INPP5A: variants seen among roughly 807,000 people sequenced by gnomAD.
INPP5A encodes 43 kDa inositol polyphosphate 5-phophatase.
A neutral mutation model predicts 65.2 loss-of-function variants in INPP5A; 14 were observed. The ratio of observed to expected loss-of-function variants is 0.21; its 90% CI spans 0.14 to 0.34. The LOEUF (loss-of-function observed/expected upper bound fraction) is 0.34. Among genes scored for constraint, INPP5A ranks in the 10% least tolerant of loss-of-function variants. The pLI is 1.00. For missense variants in INPP5A, 431 were observed against 545.6 expected, an observed-to-expected ratio of 0.79 and a Z score of 2.09; for synonymous variants, 207 against 208.3, an observed-to-expected ratio of 0.99 and a Z score of 0.05.
chr10:132,717,203 T>C (rs1453803560), intron 8 of INPP5A, among the ~76,000 whole-genome samples: 2 of 152,216 alleles, frequency 1.3e-5, no homozygotes, highest in Non-Finnish European at 2.9e-5. Context: ...GGTGTCTTCC[T>C]CTTTTACAAG....
At chr10:132,755,731 C>T (rs912950877) in intron 11 of INPP5A, among the ~76,000 whole-genome samples, 2 of 152,026 alleles carry the variant, frequency 1.3e-5, no homozygotes, top group Admixed American at 1.3e-4. Flanking sequence ...TAGGCAGACC[C>T]TAGCGGCAGC....
intron 8 of INPP5A, among the ~76,000 whole-genome samples, chr10:132,718,047 T>C (rs1845775925): frequency 1.3e-5 from 2 of 149,576 alleles, no homozygotes; most frequent in Non-Finnish European, 3.0e-5. Flanking sequence ...TAGACGGCTG[T>C]CTTGCGGGTT....
At chr10:132,552,755 G>A (rs1365727002) in intron 1 of INPP5A, among the ~76,000 whole-genome samples, 4 of 139,912 alleles carry the variant, frequency 2.9e-5, no homozygotes, top group South Asian at 4.9e-4. Context: ...ATTGGTGAAC[G>A]CCTTCTCAGA....
In INPP5A at chr10:132,782,968, TACA is replaced by T. The variant is rs1230805514; in HGVS notation, c.*944_*946del. On this transcript the variant is annotated 3_prime_UTR_variant, in exon 16 of 16. Coordinates refer to ENST00000368594, the MANE Select transcript of INPP5A (RefSeq NM_005539.5). This position sits in a 1 kb window ranked among gnomAD's most constrained non-coding sequence, Gnocchi z 4.4. Reference sequence around the variant, plus strand: ...TTTTATGGTGCCAAGTATCCTACGTTACAACAATAATATCATGGGAGAAATAGA... The same window carrying T: ...TTTTATGGTGCCAAGTATCCTACGTTACAATAATATCATGGGAGAAATAGA... 6.6e-6 allele frequency: 1 copy of T among 152,450 alleles called. No individual in the cohort carries two copies. Among genetic ancestry groups the T allele is most frequent in the African/African-American group, 2.4e-5 (1 of 41,466 alleles). The allele number at this position is 152,450 out of a possible 1,614,324, so 9.4% of individuals were successfully genotyped here. A position where few individuals can be genotyped will look rare whatever the true frequency, so the allele number is the denominator to read the frequency against.
chr10:132,621,854 C>T (rs78679020), intron 2 of INPP5A, among the ~76,000 whole-genome samples: 2,290 of 151,760 alleles, frequency 0.015, 33 homozygotes, highest in South Asian at 0.039. Flanking sequence ...GTTTGCCTCA[C>T]GCAATTCCTA....
chr10:132,557,467 G>C (rs566649139), intron 1 of INPP5A, among the ~76,000 whole-genome samples: 131 of 152,386 alleles, frequency 8.6e-4, no homozygotes, highest in Non-Finnish European at 1.6e-3. Context: ...ATGCCAACAA[G>C]AGACCTGCGT....
At chr10:132,623,802 T>G (rs76781203) in intron 2 of INPP5A, among the ~76,000 whole-genome samples, 248 of 152,234 alleles carry the variant, frequency 1.6e-3, no homozygotes, top group Non-Finnish European at 3.0e-3. Context: ...AAGCCAATAA[T>G]AAGAAAGCAA....
intron 7 of INPP5A, 102 bp downstream of exon 7, chr10:132,708,467 T>TC: frequency 8.2e-7 from 1 of 1,217,276 alleles, no homozygotes; most frequent in Non-Finnish European, 1.2e-6. Context: ...GCTCTACTGA[T>TC]TTTGCATGAG....
chr10:132,573,870 G>A (rs2071382917), intron 1 of INPP5A, among the ~76,000 whole-genome samples: 2 of 133,488 alleles, frequency 1.5e-5, no homozygotes. Context: ...TTGTTGAGAT[G>A]TTGGGGTGTG....
intron 4 of INPP5A, among the ~76,000 whole-genome samples, chr10:132,688,081 G>A (rs1845171311): frequency 6.6e-6 from 1 of 152,198 alleles, no homozygotes; most frequent in Admixed American, 6.5e-5. Context: ...AGCAGGAGCT[G>A]CACAGCCTCC....
chr10:132,666,853 A>G (rs2072811567), intron 4 of INPP5A, among the ~76,000 whole-genome samples: 1 of 152,222 alleles, frequency 6.6e-6, no homozygotes, highest in Non-Finnish European at 1.5e-5. Context: ...GGACTCGGGT[A>G]GAGAAAGATA....
chr10:132,570,330 G>C (rs1373132207), intron 1 of INPP5A, among the ~76,000 whole-genome samples: 2 of 152,218 alleles, frequency 1.3e-5, no homozygotes, highest in Admixed American at 6.5e-5. Flanking sequence ...ACTGTTAACT[G>C]TAGCCCTTCT....
chr10:132,760,793 G>A (rs969120172), intron 11 of INPP5A, among the ~76,000 whole-genome samples: 5 of 152,132 alleles, frequency 3.3e-5, no homozygotes, highest in African/African-American at 4.8e-5. Context: ...CTTCCTGGGC[G>A]GTCCTTTGTC....
Position 132,675,005 on chromosome 10 carries a change from G to A in INPP5A, c.307-15387G>A, listed in dbSNP as rs1240520547. Among the ~76,000 whole-genome samples, 1 of 152,242 alleles carries A rather than the reference G, an allele frequency of 6.6e-6. No homozygotes were observed. Among genetic ancestry groups the A allele is most frequent in the Non-Finnish European group, 1.5e-5 (1 of 68,036 alleles). On this transcript the variant is annotated intron_variant, in intron 4 of 15. Coordinates refer to ENST00000368594, the MANE Select transcript of INPP5A (RefSeq NM_005539.5). The surrounding 1 kb of genome is among the most constrained non-coding windows in gnomAD (Gnocchi z 4.2). ...GTCATATGGCCCAAGTGTCAGAGCA[G>A]CTGGCACAGCAGCCTGGACCTGTTG...
chr10:132,726,673 T>C (rs1235360655), intron 8 of INPP5A, 148 bp from the exon 9 acceptor site: 11 of 583,552 alleles, frequency 1.9e-5, no homozygotes, highest in Non-Finnish European at 3.4e-5. Context: ...GAATTTTGGG[T>C]GTGCAAAGAG....
intron 4 of INPP5A, among the ~76,000 whole-genome samples, chr10:132,661,748 A>G (rs1160026605): frequency 1.3e-5 from 2 of 152,220 alleles, no homozygotes; most frequent in Non-Finnish European, 2.9e-5. Flanking sequence ...GAACATGAAT[A>G]AAGATGGAGT....
chr10:132,593,409 T>A (rs926915750), intron 1 of INPP5A, among the ~76,000 whole-genome samples: 15 of 152,348 alleles, frequency 9.8e-5, no homozygotes, highest in African/African-American at 3.6e-4. Context: ...TTAAAAAAAA[T>A]TAACCTTCAT....
At chr10:132,596,923 GCGCATGTGCA>G (rs767588962) in intron 1 of INPP5A, among the ~76,000 whole-genome samples, 62 of 25,078 alleles carry the variant, frequency 2.5e-3, no homozygotes, top group East Asian at 0.029. Flanking sequence ...GCATGTGTGC[GCGCATGTGCA>G]CGCATGTGTG....
In INPP5A at chr10:132,538,079, CCG is replaced by C; in HGVS notation, c.-14_-13del. The C allele has an allele frequency of 8.7e-7, 1 of 1,147,420 alleles. No individual in the cohort carries two copies. Among genetic ancestry groups the C allele is most frequent in the Non-Finnish European group, 1.1e-6 (1 of 933,416 alleles). The allele number at this position is 1,147,420 out of a possible 1,614,324, so 71.1% of individuals were successfully genotyped here. ...CCGCCGCCGCCGCCCAGCCCAGCGC[CCG>C]CGCCGCCCGGGCACCATGGCGGGGA... On this transcript the variant is annotated 5_prime_UTR_variant, in exon 1 of 16. Transcript: ENST00000368594. This position sits in a 1 kb window ranked among gnomAD's most constrained non-coding sequence, Gnocchi z 4.1.
Sources: allele counts gnomAD v4.1 joint callset (sites outside exome capture counted in the v4.1 genomes callset), GRCh38; gene constraint gnomAD v4.1.1; non-coding constraint Gnocchi (gnomAD v3.1); transcripts MANE v1.5; gene names NCBI Gene and HGNC (gene_info 2026-07-23, HGNC 2026-07-21).